Variants in PTPRC observed in about 807,000 individuals in gnomAD.
PTPRC encodes the protein protein tyrosine phosphatase receptor type C, also known as receptor-type tyrosine-protein phosphatase C.
In PTPRC, 44 loss-of-function variants were observed where a neutral mutation model predicts 155.9. The ratio of observed to expected loss-of-function variants is 0.28; its 90% confidence interval spans 0.22 to 0.36. PTPRC has a LOEUF of 0.36. PTPRC is among the 10% of genes least tolerant of loss of function. PTPRC has a pLI of 1.00. For missense variants in PTPRC, 1,401 were observed against 1,564.6 expected (o/e 0.90, Z 1.76); for synonymous variants, 525 against 533.1 (o/e 0.98, Z 0.21).
chr1:198,727,013 C>A (rs1231191054), intron 15 of PTPRC, among the ~76,000 whole-genome samples: 1 of 151,956 alleles, frequency 6.6e-6, no homozygotes, highest in Non-Finnish European at 1.5e-5. Flanking sequence ...CAGACACACA[C>A]CATGCCTGGC....
intron 2 of PTPRC, among the ~76,000 whole-genome samples, chr1:198,639,601 A>C (rs951467427): frequency 6.6e-6 from 1 of 152,066 alleles, no homozygotes; most frequent in African/African-American, 2.4e-5. Context: ...TTTATTTACA[A>C]CTGTTCAAAG....
intron 2 of PTPRC, chr1:198,680,139 G>T: frequency 4.9e-6 from 2 of 409,786 alleles, no homozygotes; most frequent in African/African-American, 2.1e-5. Flanking sequence ...CAGGGAAGCC[G>T]GGGCTCATTT....
At chr1:198,643,856 G>T (rs1467418200) in intron 2 of PTPRC, among the ~76,000 whole-genome samples, 1 of 151,942 alleles carries the variant, frequency 6.6e-6, no homozygotes, top group Non-Finnish European at 1.5e-5. Flanking sequence ...CTCTGGGATT[G>T]CTTGCAAGGG....
chr1:198,721,223 A>G (rs2102454183), intron 14 of PTPRC, among the ~76,000 whole-genome samples: 1 of 152,302 alleles, frequency 6.6e-6, no homozygotes, highest in Non-Finnish European at 1.5e-5. Context: ...GAGAGCAGTC[A>G]TTTCAGCTTT....
At chr1:198,642,902 T>TCC (rs61068405) in intron 2 of PTPRC, among the ~76,000 whole-genome samples, 7 of 124,560 alleles carry the variant, frequency 5.6e-5, no homozygotes, top group Admixed American at 2.5e-4. Flanking sequence ...TTTTCTTTCT[T>TCC]TCTTCCTTTC....
intron 2 of PTPRC, among the ~76,000 whole-genome samples, chr1:198,653,695 T>C (rs1663384276): frequency 6.6e-6 from 1 of 151,896 alleles, no homozygotes; most frequent in Non-Finnish European, 1.5e-5. Context: ...TTCCCATGGA[T>C]CATCTTTTTG....
In PTPRC at chr1:198,732,537, T is replaced by C; in HGVS notation, c.2123T>C (p.Ile708Thr). Residue 708 changes from isoleucine to threonine, a missense_variant, in exon 20 of 33, where the codon ATA becomes ACA. Ile to Thr is a moderately conservative substitution (Grantham distance 89). Around this residue, in one of 3 missense-constraint regions of PTPRC, gnomAD observed 867 missense variants for 970.4 expected, o/e 0.89. Coordinates refer to ENST00000442510, the MANE Select transcript of PTPRC (RefSeq NM_002838.5). ...EINGDAGSNYINASYIDGFKE... is the reference protein window; with the variant it reads ...EINGDAGSNYTNASYIDGFKE... ...AACGGAGATGCAGGGTCAAACTACA[T>C]AAATGCCAGCTATATTGATGTGAGT... 1 of 1,609,554 alleles carries C rather than the reference T, an allele frequency of 6.2e-7. No individual in the cohort carries two copies. Among genetic ancestry groups the C allele is most frequent in the Non-Finnish European group, 8.5e-7 (1 of 1,177,514 alleles).
intron 2 of PTPRC, among the ~76,000 whole-genome samples, chr1:198,641,172 G>A (rs919896133): frequency 2.0e-5 from 3 of 151,942 alleles, no homozygotes. Context: ...TGAGATATAT[G>A]CTTATTTGTG....
intron 2 of PTPRC, among the ~76,000 whole-genome samples, chr1:198,689,004 A>G (rs1665782570): frequency 6.6e-6 from 1 of 152,222 alleles, no homozygotes. Context: ...AAGACTTAGT[A>G]TAGTGCCTGG....
intron 27 of PTPRC, 78 bp from the exon 28 acceptor site, chr1:198,749,338 C>CT: frequency 7.1e-7 from 1 of 1,411,746 alleles, no homozygotes; most frequent in Non-Finnish European, 9.9e-7. Flanking sequence ...TTTTTAAATA[C>CT]TTTCAAATTT....
At chr1:198,674,418 A>G (rs1427220211) in intron 2 of PTPRC, among the ~76,000 whole-genome samples, 1 of 151,704 alleles carries the variant, frequency 6.6e-6, no homozygotes, top group African/African-American at 2.4e-5. Context: ...CAATTTTACA[A>G]TTTTACAATG....
At chr1:198,728,928 ACT>A (rs546518220) in intron 16 of PTPRC, among the ~76,000 whole-genome samples, 192 of 151,282 alleles carry the variant, frequency 1.3e-3, no homozygotes, top group African/African-American at 4.6e-3. Flanking sequence ...CTCCTCTCTG[ACT>A]CTGCTTTCTC....
intron 27 of PTPRC, 34 bp from the exon 28 acceptor site, chr1:198,749,382 C>T (rs1484587851): frequency 6.3e-7 from 1 of 1,591,582 alleles, no homozygotes. Context: ...TTAATTTTTT[C>T]AAGGAAGACT....
intron 14 of PTPRC, among the ~76,000 whole-genome samples, chr1:198,718,836 C>T (rs1490649894): frequency 2.6e-5 from 4 of 152,080 alleles, no homozygotes; most frequent in Non-Finnish European, 5.9e-5. Context: ...GTATTATCAA[C>T]ATTCTGAGTA....
At position 198,752,385 on chromosome 1, in the gene PTPRC, T is replaced by C. The variant is rs987046877; in HGVS notation, c.3330+14T>C. The C allele has an allele frequency of 6.2e-7, 1 of 1,612,276 alleles. No individual in the cohort carries two copies. The highest frequency in any genetic ancestry group is 2.2e-5 in the East Asian group (1 of 44,684). On this transcript the variant is annotated intron_variant, in intron 30 of 32. Coordinates refer to ENST00000442510, the MANE Select transcript of PTPRC (RefSeq NM_002838.5). ...AGACATTCCAAGGTATGGAAACAAT[T>C]TGGGGAGTATATTTCTTTGATATAA...
At chr1:198,721,088 A>G (rs550907803) in intron 14 of PTPRC, among the ~76,000 whole-genome samples, 2 of 152,326 alleles carry the variant, frequency 1.3e-5, no homozygotes, top group African/African-American at 2.4e-5. Context: ...ATAATTATTC[A>G]GTTTCGAATT....
At chr1:198,752,819 C>T in intron 31 of PTPRC, 47 bp downstream of exon 31, 1 of 1,577,882 alleles carries the variant, frequency 6.3e-7, no homozygotes, top group Non-Finnish European at 8.7e-7. Flanking sequence ...TAATGCTTGA[C>T]TTCTCGGTTC....
intron 5 of PTPRC, 54 bp downstream of exon 5, chr1:198,699,758 G>A: frequency 1.2e-6 from 2 of 1,606,152 alleles, no homozygotes; most frequent in East Asian, 2.2e-5. Flanking sequence ...ACGACTACCT[G>A]TATTTAAGAA....
At chr1:198,754,515 C>G in intron 32 of PTPRC, 111 bp downstream of exon 32, 1 of 1,262,134 alleles carries the variant, frequency 7.9e-7, no homozygotes, top group Non-Finnish European at 1.1e-6. Context: ...CTTTTTTCCC[C>G]TTTCCTTTTC....
Sources: allele counts gnomAD v4.1 joint callset (sites outside exome capture counted in the v4.1 genomes callset), GRCh38; gene constraint gnomAD v4.1.1; regional missense constraint gnomAD v4.1.1; transcripts MANE v1.5; gene names NCBI Gene and HGNC (gene_info 2026-07-23, HGNC 2026-07-21).